SLC20A2: variants seen among roughly 807,000 people sequenced by gnomAD.
The protein encoded by SLC20A2 is solute carrier family 20 member 2, also known as sodium-dependent phosphate transporter 2.
In SLC20A2, 30 loss-of-function variants were observed where a neutral mutation model predicts 61.0. The ratio of observed to expected loss-of-function variants is 0.49; its 90% CI spans 0.37 to 0.67. SLC20A2 has a LOEUF of 0.67. Among genes scored for constraint, SLC20A2 ranks in the 30% least tolerant of loss-of-function variants. The pLI is 0.00. For missense variants in SLC20A2, 626 were observed against 866.4 expected, an observed-to-expected ratio of 0.72 and a Z score of 3.48; for synonymous variants, 351 against 353.3, an observed-to-expected ratio of 0.99 and a Z score of 0.07.
intron 1 of SLC20A2, among the ~76,000 whole-genome samples, chr8:42,494,965 GC>G (rs1422714043): frequency 2.0e-5 from 3 of 151,818 alleles, no homozygotes; most frequent in Non-Finnish European, 2.9e-5. Flanking sequence ...TCCTGCCTCA[GC>G]CTCCCGAGTA....
At chr8:42,495,908 C>G (rs969901786) in intron 1 of SLC20A2, among the ~76,000 whole-genome samples, 11 of 152,182 alleles carry the variant, frequency 7.2e-5, no homozygotes, top group African/African-American at 2.7e-4. Flanking sequence ...CGCCACCACG[C>G]CCGGCTAATT....
chr8:42,444,987 T>C (rs775781792), intron 5 of SLC20A2, among the ~76,000 whole-genome samples: 11 of 152,262 alleles, frequency 7.2e-5, no homozygotes, highest in Admixed American at 1.3e-4. Context: ...AGTAAGCTAA[T>C]TATTAAAGTT....
In SLC20A2 at chr8:42,436,940, T is replaced by C. The variant is rs747193619; in HGVS notation, c.1523+49A>G. 65 of 1,514,372 alleles carry C rather than the reference T, an allele frequency of 4.3e-5. No individual in the cohort carries two copies. The East Asian group carries it at 1.4e-3, about 33-fold the overall frequency. 93.8% of individuals were successfully genotyped at this position (1,514,372 alleles called of 1,614,324 possible). ...CCGGCACCCGCACAGCGCTGGCCCC[T>C]GGCGGAGCCTCAAGGACCCTTGTTG... On this transcript the variant is annotated intron_variant, in intron 8 of 10. Coordinates refer to ENST00000520262, the MANE Select transcript of SLC20A2 (RefSeq NM_001257180.2).
At chr8:42,463,315 C>A (rs999359990) in intron 3 of SLC20A2, 9 of 375,032 alleles carry the variant, frequency 2.4e-5, no homozygotes, top group Non-Finnish European at 3.3e-5. Flanking sequence ...ACACCACTGA[C>A]CACACTGCCA....
chr8:42,484,887 G>A (rs1039879328), intron 1 of SLC20A2: 4 of 404,676 alleles, frequency 9.9e-6, no homozygotes, highest in East Asian at 7.7e-5. Context: ...TGAGCATCTC[G>A]GCCATGCAGC....
upstream of SLC20A2, among the ~76,000 whole-genome samples, chr8:42,505,968 T>TATTG (rs1372675083): frequency 2.0e-5 from 3 of 151,820 alleles, no homozygotes; most frequent in Admixed American, 2.0e-4. Flanking sequence ...GTATTTTATT[T>TATTG]ATTTATTTTG....
At chr8:42,477,464 CTTTTTTTTTTTTTT>C (rs56302974) in intron 1 of SLC20A2, among the ~76,000 whole-genome samples, 1 of 50,286 alleles carries the variant, frequency 2.0e-5, no homozygotes, top group Non-Finnish European at 3.7e-5. Context: ...GGGACAGGGA[CTTTTTTTTTTTTTT>C]TTTTTTTTTT....
intron 5 of SLC20A2, among the ~76,000 whole-genome samples, chr8:42,455,241 A>AAAAT (rs1416804518): frequency 3.1e-4 from 32 of 102,582 alleles, no homozygotes; most frequent in African/African-American, 1.6e-3. Flanking sequence ...AAAAAAAAAA[A>AAAAT]ATATATATAT....
intron 5 of SLC20A2, among the ~76,000 whole-genome samples, chr8:42,457,781 G>A (rs1284461233): frequency 1.3e-5 from 2 of 152,110 alleles, no homozygotes; most frequent in African/African-American, 2.4e-5. Context: ...CACTGCGCCC[G>A]GCTGAGTATT....
intron 1 of SLC20A2, among the ~76,000 whole-genome samples, chr8:42,476,899 T>G (rs1013143775): frequency 6.6e-6 from 1 of 152,248 alleles, no homozygotes; most frequent in Non-Finnish European, 1.5e-5. Flanking sequence ...GGCCAGCTCC[T>G]GGCTATGCAA....
intron 1 of SLC20A2, chr8:42,541,751 G>C (rs1813200280): frequency 6.7e-6 from 1 of 149,102 alleles, no homozygotes; most frequent in East Asian, 2.0e-4. Context: ...CGGCGGGGCC[G>C]CGTCACCCGG....
intron 1 of SLC20A2, among the ~76,000 whole-genome samples, chr8:42,528,327 T>A (rs1412724275): frequency 6.6e-6 from 1 of 152,016 alleles, no homozygotes; most frequent in Non-Finnish European, 1.5e-5. Context: ...CCGGGCGTAG[T>A]GGTGGGCACC....
At chr8:42,425,910 C>T (rs1359623070) in intron 10 of SLC20A2, among the ~76,000 whole-genome samples, 3 of 152,050 alleles carry the variant, frequency 2.0e-5, no homozygotes, top group Non-Finnish European at 2.9e-5. Context: ...GTGGTGGGCA[C>T]CTGTAGTCCC....
chr8:42,425,513 C>T (rs1186769651), intron 10 of SLC20A2, among the ~76,000 whole-genome samples: 1 of 152,224 alleles, frequency 6.6e-6, no homozygotes, highest in African/African-American at 2.4e-5. Context: ...GAGCCATCTG[C>T]TCTCCAACTA....
chr8:42,465,005 TAACAA>T (rs901715150), intron 3 of SLC20A2, among the ~76,000 whole-genome samples: 8 of 151,712 alleles, frequency 5.3e-5, no homozygotes, highest in African/African-American at 1.7e-4. Context: ...CAACAAAACA[TAACAA>T]AACAAAACAA....
intron 2 of SLC20A2, among the ~76,000 whole-genome samples, chr8:42,466,658 TTTTTC>T (rs778378299): frequency 1.5e-4 from 23 of 151,918 alleles, no homozygotes; most frequent in Admixed American, 2.6e-4. Context: ...CCATGTTGCT[TTTTTC>T]TTTTCTTTTC....
Position 42,540,609 on chromosome 8 carries a change from T to C in SLC20A2, c.-265+1212A>G, listed in dbSNP as rs551469800. 3.7e-4 allele frequency among the ~76,000 whole-genome samples: 57 copies of C among 152,360 alleles called. No individual in the cohort carries two copies. In the South Asian group the frequency reaches 0.012, roughly 31 times the overall value. On this transcript the variant is annotated intron_variant, in intron 1 of 10. Transcript: ENST00000342228. ...CCCTAGACGAAGGTGAGTTTAATTG[T>C]AACAGATGAAACAAAGAATAGAAAA...
chr8:42,506,028 G>A (rs1246322979), upstream of SLC20A2, among the ~76,000 whole-genome samples: 2 of 152,016 alleles, frequency 1.3e-5, no homozygotes, highest in African/African-American at 2.4e-5. Context: ...TGCAACGTCC[G>A]CCTCCTGTGT....
intron 5 of SLC20A2, among the ~76,000 whole-genome samples, chr8:42,455,253 TATATAGAGAGAG>T (rs1398459841): frequency 1.3e-4 from 12 of 93,648 alleles, no homozygotes; most frequent in South Asian, 9.9e-4. Context: ...TATATATATA[TATATAGAGAGAG>T]AGAGAGAGAG....
Sources: gnomAD v4.1 joint callset for allele counts (sites outside exome capture counted in the v4.1 genomes callset) on GRCh38, gnomAD v4.1.1 for gene constraint, MANE v1.5 for transcripts, NCBI Gene and HGNC (gene_info 2026-07-23, HGNC 2026-07-21) for gene names.